Variants in RAB11FIP4 observed in about 807,000 individuals in gnomAD.
RAB11FIP4 encodes RAB11 family interacting protein 4, also known as rab11 family-interacting protein 4.
RAB11FIP4 carries 23 observed loss-of-function variants against 74.3 expected under a neutral mutation model. The ratio of observed to expected loss-of-function variants is 0.31; its 90% CI spans 0.22 to 0.44. RAB11FIP4 has a LOEUF of 0.44. Ranked by LOEUF, RAB11FIP4 falls within the 20% of genes least tolerant of loss-of-function variation. The probability of loss-of-function intolerance (pLI) is 1.00; values close to 1 mark genes in which losing one functional copy is unlikely to be tolerated. For missense variants in RAB11FIP4, 630 were observed against 863.9 expected, an observed-to-expected ratio of 0.73 and a Z score of 3.39; for synonymous variants, 360 against 359.9, an observed-to-expected ratio of 1.00 and a Z score of 0.00.
chr17:31,445,529 ATTTTATATATATATATATATAT>A lies in RAB11FIP4; in HGVS notation c.336+11408_336+11429del, dbSNP rs1328071348. On this transcript the variant is annotated intron_variant, in intron 3 of 14. Coordinates refer to ENST00000621161, the MANE Select transcript of RAB11FIP4 (RefSeq NM_032932.6). ...TAAAATCTACATTCAAATTTTCCCA[ATTTTATATATATATATATATAT>A]ATATATATATATATATATATATATA... 7.7e-5 allele frequency among the ~76,000 whole-genome samples: 7 copies of A among 90,738 alleles called. 1 individual carries two copies. The highest frequency in any genetic ancestry group is 1.5e-4 in the Admixed American group (1 of 6,890). The allele number at this position is 90,738 out of a possible 152,430, so 59.5% of individuals were successfully genotyped here.
chr17:31,440,177 T>C (rs178853), intron 3 of RAB11FIP4, among the ~76,000 whole-genome samples: 91,351 of 152,096 alleles, frequency 0.6, 28,483 homozygotes, highest in African/African-American at 0.76. Context: ...TTAGCTCTTT[T>C]ATCCACCTGG....
chr17:31,440,691 C>T (rs537140207), intron 3 of RAB11FIP4, among the ~76,000 whole-genome samples: 1 of 152,336 alleles, frequency 6.6e-6, no homozygotes, highest in South Asian at 2.1e-4. Flanking sequence ...ATCACTTGAA[C>T]CCGGGAGGCG....
chr17:31,403,604 G>A (rs2071016079), intron 1 of RAB11FIP4, among the ~76,000 whole-genome samples: 1 of 152,150 alleles, frequency 6.6e-6, no homozygotes, highest in African/African-American at 2.4e-5. Context: ...TTACAGGCAT[G>A]AGCCACCGCG....
At chr17:31,432,356 C>CT (rs749879395) in intron 2 of RAB11FIP4, among the ~76,000 whole-genome samples, 7,260 of 139,504 alleles carry the variant, frequency 0.052, 206 homozygotes, top group Admixed American at 0.07. Flanking sequence ...CCCGCCTCCT[C>CT]TTTTTTTTTT....
intron 1 of RAB11FIP4, among the ~76,000 whole-genome samples, chr17:31,420,600 C>T (rs1000985251): frequency 1.5e-4 from 22 of 151,188 alleles, no homozygotes; most frequent in Admixed American, 1.4e-3. Context: ...AGAGATGCAT[C>T]AGTTTTGTTA....
chr17:31,401,479 A>G (rs1325725685), intron 1 of RAB11FIP4, among the ~76,000 whole-genome samples: 1 of 152,242 alleles, frequency 6.6e-6, no homozygotes, highest in Non-Finnish European at 1.5e-5. Flanking sequence ...ATAACAACCC[A>G]TGACCCAAGA....
chr17:31,517,869 A>C lies in RAB11FIP4; in HGVS notation c.555A>C (p.Pro185=), dbSNP rs200001240. Residue 185 remains proline (P), a synonymous_variant, in exon 4 of 15, where the codon CCA becomes CCC. Transcript: ENST00000621161. Reference sequence around the variant, plus strand: ...GGGGACTTGGGGGCCTGTTTCTGCCAGAAGACAAGTGAGTTAAAACCACCT... The same window carrying C: ...GGGGACTTGGGGGCCTGTTTCTGCCCGAAGACAAGTGAGTTAAAACCACCT... ...KDGGLGGLFL[P]EDKSLVHTPS... 552 of 1,551,504 alleles carry C rather than the reference A, an allele frequency of 3.6e-4. 1 individual carries two copies. The African/African-American group carries it at 6.5e-3, about 18-fold the overall frequency.
intron 3 of RAB11FIP4, among the ~76,000 whole-genome samples, chr17:31,454,142 G>A (rs913938362): frequency 6.6e-6 from 1 of 152,154 alleles, no homozygotes; most frequent in Non-Finnish European, 1.5e-5. Context: ...AACCACACCT[G>A]CCGAGCCAGA....
At chr17:31,455,277 GGTAGCTA>G (rs1213466689) in intron 3 of RAB11FIP4, among the ~76,000 whole-genome samples, 1 of 152,122 alleles carries the variant, frequency 6.6e-6, no homozygotes, top group Non-Finnish European at 1.5e-5. Context: ...ATTCTGGGAA[GGTAGCTA>G]GGAAATGTGT....
intron 3 of RAB11FIP4, among the ~76,000 whole-genome samples, chr17:31,450,156 C>T (rs2071510839): frequency 6.6e-6 from 1 of 152,022 alleles, no homozygotes; most frequent in Admixed American, 6.6e-5. Context: ...CTTCCCCTGC[C>T]ATTCTCAGCC....
At chr17:31,444,494 A>G (rs909553415) in intron 3 of RAB11FIP4, among the ~76,000 whole-genome samples, 1 of 152,148 alleles carries the variant, frequency 6.6e-6, no homozygotes, top group African/African-American at 2.4e-5. Flanking sequence ...GCAGATATGG[A>G]AGCCCCTTTT....
Position 31,411,296 on chromosome 17 carries a change from A to G in RAB11FIP4, c.159+19285A>G, listed in dbSNP as rs528608377. Among the ~76,000 whole-genome samples, 125 of 152,304 alleles carry G rather than the reference A, an allele frequency of 8.2e-4. 1 individual carries two copies. Among genetic ancestry groups the G allele is most frequent in the African/African-American group, 2.8e-3 (115 of 41,578 alleles). ...GGAGAATAGCGTGAACCTGGGAGGC[A>G]GAGGTTGCAGTGAGCCAAGATCGCA... On this transcript the variant is annotated intron_variant, in intron 1 of 14. Transcript: ENST00000621161.
intron 3 of RAB11FIP4, among the ~76,000 whole-genome samples, chr17:31,448,897 C>T (rs1388801219): frequency 6.6e-6 from 1 of 152,180 alleles, no homozygotes; most frequent in African/African-American, 2.4e-5. Flanking sequence ...GTCGCTTCAC[C>T]TCTCTGAGCC....
chr17:31,449,433 A>G (rs184890038), intron 3 of RAB11FIP4, among the ~76,000 whole-genome samples: 27 of 152,086 alleles, frequency 1.8e-4, no homozygotes, highest in Admixed American at 1.5e-3. Context: ...CCTTTGGTCT[A>G]TTTCCTCCAA....
chr17:31,518,180 T>C (rs535876514), intron 4 of RAB11FIP4, among the ~76,000 whole-genome samples: 2 of 152,040 alleles, frequency 1.3e-5, no homozygotes, highest in African/African-American at 4.8e-5. Context: ...ATGAGATATA[T>C]GATCTCAATT....
chr17:31,448,743 A>C (rs1336014971), intron 3 of RAB11FIP4, among the ~76,000 whole-genome samples: 1 of 151,930 alleles, frequency 6.6e-6, no homozygotes, highest in African/African-American at 2.4e-5. Flanking sequence ...GCTGCCCTGA[A>C]CCTGTAAGAA....
intron 3 of RAB11FIP4, among the ~76,000 whole-genome samples, chr17:31,467,099 C>CT (rs1555545835): frequency 1.3e-5 from 2 of 148,884 alleles, no homozygotes; most frequent in Admixed American, 6.7e-5. Flanking sequence ...CTGAGTATTT[C>CT]TTTCTTTTCT....
At chr17:31,450,098 C>T (rs1436882739) in intron 3 of RAB11FIP4, among the ~76,000 whole-genome samples, 2 of 152,112 alleles carry the variant, frequency 1.3e-5, no homozygotes, top group Non-Finnish European at 2.9e-5. Flanking sequence ...ACTTATCCCT[C>T]CTCTAGAACT....
In RAB11FIP4 at chr17:31,454,649, C is replaced by T. The variant is rs573885061; in HGVS notation, c.336+20527C>T. 1.3e-3 allele frequency among the ~76,000 whole-genome samples: 199 copies of T among 152,116 alleles called. 1 individual carries two copies. Among genetic ancestry groups the T allele is most frequent in the African/African-American group, 4.0e-3 (166 of 41,538 alleles). Reference sequence around the variant, plus strand: ...CTGTAATCCCAGCACTTTGGGAGGCCGAGGCAGGTGGATCGCTTGAGGTCA... The same window carrying T: ...CTGTAATCCCAGCACTTTGGGAGGCTGAGGCAGGTGGATCGCTTGAGGTCA... On this transcript the variant is annotated intron_variant, in intron 3 of 14. Coordinates refer to ENST00000621161, the MANE Select transcript of RAB11FIP4 (RefSeq NM_032932.6).
Sources: allele counts gnomAD v4.1 joint callset (sites outside exome capture counted in the v4.1 genomes callset), GRCh38; gene constraint gnomAD v4.1.1; transcripts MANE v1.5; gene names NCBI Gene and HGNC (gene_info 2026-07-23, HGNC 2026-07-21).